Variants in IGSF10 observed in about 807,000 individuals in gnomAD.
IGSF10 encodes immunoglobulin superfamily member 10.
In IGSF10, 126 loss-of-function variants were observed where a neutral mutation model predicts 128.2. The ratio of observed to expected loss-of-function variants is 0.98; its 90% CI spans 0.85 to 1.14. The LOEUF is 1.14. IGSF10 is among the 50% of genes most tolerant of loss of function. The pLI, the probability that IGSF10 is intolerant of heterozygous loss-of-function variation, is 0.00. For missense variants in IGSF10, 3,295 were observed against 3,149.8 expected (o/e 1.05, Z -1.10); for synonymous variants, 1,185 against 1,146.2 (o/e 1.03, Z -0.68).
chr3:151,619,430 A>ATGTGTGTGTGTG, the IGSF10 span, among the ~76,000 whole-genome samples: 154 of 144,322 alleles, frequency 1.1e-3, no homozygotes, highest in Non-Finnish European at 1.1e-3. Flanking sequence ...ATTACTTTTA[A>ATGTGTGTGTGTG]TGTGTGTGTG....
downstream of IGSF10, chr3:151,433,546 C>G (rs1037757440): frequency 1.3e-5 from 2 of 152,454 alleles, no homozygotes; most frequent in African/African-American, 4.8e-5. Context: ...GAGGCAAGAT[C>G]ATTGATGAGA....
chr3:151,493,179 C>T, the IGSF10 span, among the ~76,000 whole-genome samples: 2 of 151,990 alleles, frequency 1.3e-5, no homozygotes, highest in Non-Finnish European at 2.9e-5. Context: ...TCAAAGAATA[C>T]AAAGTAGCAG....
the IGSF10 span, among the ~76,000 whole-genome samples, chr3:151,557,123 C>T: frequency 1.1e-4 from 17 of 152,246 alleles, no homozygotes; most frequent in African/African-American, 3.9e-4. Context: ...AATAAACTGA[C>T]AATAGACAGG....
At chr3:151,618,736 A>T in the IGSF10 span, among the ~76,000 whole-genome samples, 1 of 150,886 alleles carries the variant, frequency 6.6e-6, no homozygotes, top group Non-Finnish European at 1.5e-5. Context: ...TCTCAAAAAA[A>T]AATAAAAAAT....
chr3:151,506,583 CCTTCT>C, the IGSF10 span, among the ~76,000 whole-genome samples: 189 of 152,216 alleles, frequency 1.2e-3, no homozygotes, highest in South Asian at 2.3e-3. Context: ...TTTCTGGCCA[CCTTCT>C]CTTAAGTGAA....
At chr3:151,579,875 A>AAAGGAAGGAAGGAAGGAAGG in the IGSF10 span, among the ~76,000 whole-genome samples, 90 of 121,922 alleles carry the variant, frequency 7.4e-4, no homozygotes, top group Middle Eastern at 3.9e-3. Flanking sequence ...GGGAGGAAGG[A>AAAGGAAGGAAGGAAGGAAGG]AAGGAAGGAA....
At chr3:151,441,983 C>A (rs1720883754) in intron 7 of IGSF10, among the ~76,000 whole-genome samples, 3 of 152,182 alleles carry the variant, frequency 2.0e-5, no homozygotes, top group African/African-American at 7.2e-5. Context: ...ATGGCGTGAA[C>A]CTGGGAGGCG....
In IGSF10 at chr3:151,449,273, A is replaced by G. The variant is rs1460912108; in HGVS notation, c.716-8T>C. 1 of 1,558,884 alleles carries G rather than the reference A, an allele frequency of 6.4e-7. No individual in the cohort carries two copies. Among genetic ancestry groups the G allele is most frequent in the South Asian group, 1.2e-5 (1 of 82,222 alleles). Reference sequence around the variant, plus strand: ...TTTTGCATTTTATTACATCTGGAAAAAAATCACAATTGAATTATCAGTTGT... The same window carrying G: ...TTTTGCATTTTATTACATCTGGAAAGAAATCACAATTGAATTATCAGTTGT... On this transcript the variant is annotated splice_region_variant and splice_polypyrimidine_tract_variant and intron_variant, in intron 5 of 7. Coordinates refer to ENST00000282466, the MANE Select transcript of IGSF10 (RefSeq NM_178822.5).
At chr3:151,471,787 A>C in the IGSF10 span, among the ~76,000 whole-genome samples, 9 of 152,344 alleles carry the variant, frequency 5.9e-5, no homozygotes, top group African/African-American at 2.2e-4. Context: ...AAGTCAGGAT[A>C]ATGCTTTAGC....
chr3:151,557,213 G>A, the IGSF10 span, among the ~76,000 whole-genome samples: 1 of 152,128 alleles, frequency 6.6e-6, no homozygotes, highest in African/African-American at 2.4e-5. Context: ...TCAAACAAAG[G>A]CCAGATGGTT....
chr3:151,565,015 A>G, the IGSF10 span, among the ~76,000 whole-genome samples: 1 of 152,196 alleles, frequency 6.6e-6, no homozygotes, highest in Non-Finnish European at 1.5e-5. Context: ...CTTGTGCAAG[A>G]TCACCAGCTA....
the IGSF10 span, among the ~76,000 whole-genome samples, chr3:151,476,662 C>T: frequency 6.6e-6 from 1 of 152,124 alleles, no homozygotes; most frequent in Admixed American, 6.6e-5. Flanking sequence ...AGCTTTCAGG[C>T]CCCCAGGGAG....
At chr3:151,488,180 C>T in the IGSF10 span, among the ~76,000 whole-genome samples, 2 of 151,288 alleles carry the variant, frequency 1.3e-5, no homozygotes, top group African/African-American at 4.8e-5. Context: ...TCCTATACAT[C>T]AATAACAGAG....
chr3:151,547,014 A>ACCCC, the IGSF10 span, among the ~76,000 whole-genome samples: 14 of 110,368 alleles, frequency 1.3e-4, no homozygotes, highest in African/African-American at 4.7e-4. Flanking sequence ...CCGGCGATCC[A>ACCCC]CCCCCCCCTT....
the IGSF10 span, among the ~76,000 whole-genome samples, chr3:151,614,077 T>C: frequency 6.6e-6 from 1 of 152,126 alleles, no homozygotes; most frequent in African/African-American, 2.4e-5. Context: ...AAAATGCTCA[T>C]CATCACTGGC....
At chr3:151,449,910 T>C (rs1004653500) in intron 5 of IGSF10, among the ~76,000 whole-genome samples, 1 of 152,108 alleles carries the variant, frequency 6.6e-6, no homozygotes, top group African/African-American at 2.4e-5. Context: ...ATATGGACAG[T>C]GACTAAAAGG....
chr3:151,541,944 T>C, the IGSF10 span, among the ~76,000 whole-genome samples: 41 of 152,296 alleles, frequency 2.7e-4, no homozygotes, highest in African/African-American at 9.9e-4. Context: ...CCAATGTTCT[T>C]AACACATTCT....
At chr3:151,518,436 A>G in the IGSF10 span, among the ~76,000 whole-genome samples, 1 of 152,012 alleles carries the variant, frequency 6.6e-6, no homozygotes, top group Admixed American at 6.6e-5. Flanking sequence ...TTTAAATTTA[A>G]TTTGGCTAAA....
the IGSF10 span, among the ~76,000 whole-genome samples, chr3:151,502,836 T>G: frequency 0.3 from 45,844 of 151,916 alleles, 7,584 homozygotes; most frequent in Middle Eastern, 0.41. Flanking sequence ...GAGCAAAAAC[T>G]AGAGTGATAA....
Sources: allele counts gnomAD v4.1 joint callset (sites outside exome capture counted in the v4.1 genomes callset), GRCh38; gene constraint gnomAD v4.1.1; transcripts MANE v1.5; gene names NCBI Gene and HGNC (gene_info 2026-07-23, HGNC 2026-07-21).